CEP43: variants seen among roughly 807,000 people sequenced by gnomAD.
CEP43 encodes the protein centrosomal protein 43, also known as FGFR1 oncogene partner.
Under a neutral mutation model 52.6 loss-of-function variants are expected in CEP43, and 36 were observed. The ratio of observed to expected loss-of-function variants is 0.68; its 90% CI spans 0.52 to 0.90. The LOEUF (loss-of-function observed/expected upper bound fraction) is 0.90, where lower values mean the gene tolerates loss of function less well. Ranked by LOEUF, CEP43 falls within the 40% of genes least tolerant of loss-of-function variation. CEP43 has a pLI of 0.00. For synonymous variants in CEP43, 192 were observed against 172.4 expected, an observed-to-expected ratio of 1.11 and a Z score of -0.89; for missense variants, 506 against 472.8, an observed-to-expected ratio of 1.07 and a Z score of -0.65.
chr6:167,021,544 C>T (rs548454476), intron 7 of CEP43, among the ~76,000 whole-genome samples: 4 of 152,164 alleles, frequency 2.6e-5, no homozygotes, highest in East Asian at 3.9e-4. Flanking sequence ...AACATAGACC[C>T]GTCTAAGGGC....
intron 2 of CEP43, 96 bp from the exon 3 acceptor site, chr6:167,003,096 TA>T: frequency 1.7e-6 from 1 of 584,804 alleles, no homozygotes; most frequent in Non-Finnish European, 3.0e-6. Context: ...ATGGATTTTG[TA>T]AAACCATAAT....
In CEP43 at chr6:167,040,464, C is replaced by CTGAA. The variant is rs1421232125; in HGVS notation, c.*487_*490dup. ...AAAATGACTTGGTAAATTTGTAATGCTGAAGTATATTAGTATAAGTTAAAT... is the reference window on the plus strand; with the variant it reads ...AAAATGACTTGGTAAATTTGTAATGCTGAATGAAGTATATTAGTATAAGTTAAAT... On this transcript the variant is annotated 3_prime_UTR_variant, in exon 13 of 13. Coordinates refer to ENST00000366847, the MANE Select transcript of CEP43 (RefSeq NM_007045.4). 7 of 1,205,728 alleles carry CTGAA rather than the reference C, an allele frequency of 5.8e-6. No individual in the cohort carries two copies. In the African/African-American group the frequency reaches 1.1e-4, roughly 19 times the overall value. The allele number at this position is 1,205,728 out of a possible 1,614,324, so 74.7% of individuals were successfully genotyped here. A position where few individuals can be genotyped will look rare whatever the true frequency, so the allele number is the denominator to read the frequency against.
In CEP43 at chr6:167,040,282, G is replaced by A; in HGVS notation, c.*304G>A. ...ATGAAAACATCAGTGTTAAGAGCAT[G>A]ATGAAAGGTGTCAATAAAGCCGTAG... is the stretch of plus-strand genomic sequence containing the variant. On this transcript the variant is annotated 3_prime_UTR_variant, in exon 13 of 13. Transcript: ENST00000366847. The A allele has an allele frequency of 2.0e-6, 3 of 1,469,274 alleles. No homozygotes were observed. The highest frequency in any genetic ancestry group is 1.8e-6 in the Non-Finnish European group (2 of 1,120,170). 91.0% of individuals were successfully genotyped at this position (1,469,274 alleles called of 1,614,324 possible). A position where few individuals can be genotyped will look rare whatever the true frequency, so the allele number is the denominator to read the frequency against.
intron 7 of CEP43, among the ~76,000 whole-genome samples, chr6:167,015,208 T>C (rs909361232): frequency 1.3e-5 from 2 of 152,224 alleles, no homozygotes; most frequent in Non-Finnish European, 2.9e-5. Flanking sequence ...CTCTTCTATT[T>C]CATTGTTGTG....
At chr6:167,033,099 C>CTTTTTTTTTT (rs71032896) in intron 11 of CEP43, among the ~76,000 whole-genome samples, 1 of 68,298 alleles carries the variant, frequency 1.5e-5, no homozygotes, top group African/African-American at 5.5e-5. Context: ...TTGCCATTCT[C>CTTTTTTTTTT]TTTTTTTTTT....
intron 4 of CEP43, 109 bp from the exon 5 acceptor site, chr6:167,004,155 A>G: frequency 8.8e-7 from 1 of 1,142,128 alleles, no homozygotes; most frequent in South Asian, 1.8e-5. Context: ...TTAGTAAGAC[A>G]GTCTCTTTGA....
intron 7 of CEP43, among the ~76,000 whole-genome samples, chr6:167,019,017 G>A (rs1780164119): frequency 2.0e-5 from 3 of 152,126 alleles, no homozygotes; most frequent in Admixed American, 6.5e-5. Context: ...TCGGTGGTAC[G>A]ATTCTCTCTC....
intron 10 of CEP43, chr6:167,028,662 A>T: frequency 4.4e-6 from 1 of 228,096 alleles, no homozygotes; most frequent in Non-Finnish European, 7.3e-6. Context: ...TATTTAATTC[A>T]TATCCTATGA....
chr6:167,012,711 A>G (rs1199452629), intron 6 of CEP43, among the ~76,000 whole-genome samples: 1 of 152,164 alleles, frequency 6.6e-6, no homozygotes, highest in Non-Finnish European at 1.5e-5. Context: ...ACATTTTAAG[A>G]TCTAAGAATT....
chr6:167,009,768 G>A (rs1008514348), intron 5 of CEP43, among the ~76,000 whole-genome samples: 3 of 151,726 alleles, frequency 2.0e-5, no homozygotes, highest in Non-Finnish European at 4.4e-5. Context: ...TCTGGGAGGC[G>A]GAGATTGCAG....
intron 7 of CEP43, among the ~76,000 whole-genome samples, chr6:167,013,792 G>A (rs1337549020): frequency 1.3e-5 from 2 of 152,184 alleles, no homozygotes; most frequent in Non-Finnish European, 2.9e-5. Context: ...TGGCCAACAT[G>A]GTGAAACCCC....
At chr6:167,029,879 G>A (rs538737641) in intron 10 of CEP43, among the ~76,000 whole-genome samples, 1 of 152,296 alleles carries the variant, frequency 6.6e-6, no homozygotes, top group South Asian at 2.1e-4. Context: ...GAAGGGGTTG[G>A]ATCTTACAAA....
intron 9 of CEP43, among the ~76,000 whole-genome samples, chr6:167,025,638 T>C (rs1562530395): frequency 6.6e-6 from 1 of 152,256 alleles, no homozygotes; most frequent in Non-Finnish European, 1.5e-5. Context: ...CTTTTTGTAT[T>C]GCTTGATATA....
chr6:167,049,660 G>A lies in CEP43; in HGVS notation c.*9682G>A, dbSNP rs1297574068. On this transcript the variant is annotated 3_prime_UTR_variant, in exon 13 of 13. Coordinates refer to ENST00000366847, the MANE Select transcript of CEP43 (RefSeq NM_007045.4). Reference sequence around the variant, plus strand: ...ACTTTTTCTGCTGTTGTGAATAACAGTGCTAAGCACATTCATATGCAGTGT... The same window carrying A: ...ACTTTTTCTGCTGTTGTGAATAACAATGCTAAGCACATTCATATGCAGTGT... The A allele has an allele frequency of 2.6e-5, 4 of 152,228 alleles. No individual in the cohort carries two copies. Among genetic ancestry groups the A allele is most frequent in the Non-Finnish European group, 5.9e-5 (4 of 68,046 alleles). 9.4% of individuals were successfully genotyped at this position (152,228 alleles called of 1,614,324 possible).
In CEP43 at chr6:167,039,329, A is replaced by C. The variant is rs1316979760; in HGVS notation, c.1126-575A>C. ...ATTTTTGTAGAGACAGGGTTTCACC[A>C]TGTTGGCCAGGCTGGTCTTGAACTC... On this transcript the variant is annotated intron_variant, in intron 12 of 12. Transcript: ENST00000366847. Among the ~76,000 whole-genome samples, 3 of 152,138 alleles carry C rather than the reference A, an allele frequency of 2.0e-5. No individual in the cohort carries two copies. The East Asian group carries it at 5.8e-4, about 29-fold the overall frequency.
chr6:167,026,236 G>A (rs1780352822), intron 9 of CEP43, among the ~76,000 whole-genome samples: 2 of 152,172 alleles, frequency 1.3e-5, no homozygotes, highest in South Asian at 4.1e-4. Flanking sequence ...GGTAGCACAT[G>A]CCTGTAGTCC....
In CEP43 at chr6:167,003,718, TA is replaced by T. The variant is rs1201814887; in HGVS notation, c.212-4del. On this transcript the variant is annotated splice_region_variant and splice_polypyrimidine_tract_variant and intron_variant, in intron 3 of 12. Coordinates refer to ENST00000366847, the MANE Select transcript of CEP43 (RefSeq NM_007045.4). The stretch of plus-strand genomic sequence containing the variant: ...GCTTACTTACCTTTTTCTTGATCTT[TA>T]TAGGTCGTTTAGTGGCTAGTCTTGT... 2 of 1,595,786 alleles carry T rather than the reference TA, an allele frequency of 1.3e-6. No individual in the cohort carries two copies. Among genetic ancestry groups the T allele is most frequent in the Non-Finnish European group, 1.7e-6 (2 of 1,164,666 alleles).
Position 167,004,197 on chromosome 6 carries a change from C to A in CEP43, c.301-67C>A, listed in dbSNP as rs553173511. The A allele has an allele frequency of 8.4e-5, 124 of 1,469,306 alleles. 2 individuals are homozygous for A. In the South Asian group the frequency reaches 1.6e-3, roughly 19 times the overall value. The allele number at this position is 1,469,306 out of a possible 1,614,324, so 91.0% of individuals were successfully genotyped here. A position where few individuals can be genotyped will look rare whatever the true frequency, so the allele number is the denominator to read the frequency against. On this transcript the variant is annotated intron_variant, in intron 4 of 12. Transcript: ENST00000366847. ...AGATGTCTTTAAACTCTGAAAATATCTTCTTTACTCCTTGAGAATAACTTC... is the reference window on the plus strand; with the variant it reads ...AGATGTCTTTAAACTCTGAAAATATATTCTTTACTCCTTGAGAATAACTTC...
rs1477973094 is a variant in CEP43 at position 167,043,976 on chromosome 6, G to C, written c.*3998G>C. 2.0e-5 allele frequency: 3 copies of C among 152,186 alleles called. No individual in the cohort carries two copies. Among genetic ancestry groups the C allele is most frequent in the African/African-American group, 7.2e-5 (3 of 41,438 alleles). The allele number at this position is 152,186 out of a possible 1,614,324, so 9.4% of individuals were successfully genotyped here. A position where few individuals can be genotyped will look rare whatever the true frequency, so the allele number is the denominator to read the frequency against. Reference sequence around the variant, plus strand: ...AGGATGGAATTAGGTAGGGCCTCTGGAAGTTGATGAGATCATTAGCGCCCT... The same window carrying C: ...AGGATGGAATTAGGTAGGGCCTCTGCAAGTTGATGAGATCATTAGCGCCCT... On this transcript the variant is annotated 3_prime_UTR_variant, in exon 13 of 13. Coordinates refer to ENST00000366847, the MANE Select transcript of CEP43 (RefSeq NM_007045.4).
Sources: gnomAD v4.1 joint callset for allele counts (sites outside exome capture counted in the v4.1 genomes callset) on GRCh38, gnomAD v4.1.1 for gene constraint, MANE v1.5 for transcripts, NCBI Gene and HGNC (gene_info 2026-07-23, HGNC 2026-07-21) for gene names.